The following SDK1 variants were observed in gnomAD, a reference collection of about 807,000 sequenced individuals.
SDK1 encodes the protein sidekick cell adhesion molecule 1, also known as protein sidekick-1.
A neutral mutation model predicts 245.5 loss-of-function variants in SDK1; 157 were observed. That is an observed-to-expected ratio of 0.64 (90% CI 0.56 to 0.73). The LOEUF (loss-of-function observed/expected upper bound fraction) is 0.73. Among genes scored for constraint, SDK1 ranks in the 30% least tolerant of loss-of-function variants. The probability of loss-of-function intolerance (pLI) is 0.00; values close to 1 mark genes in which losing one functional copy is unlikely to be tolerated. For synonymous variants in SDK1, 1,647 were observed against 1,278.5 expected (o/e 1.29, Z -6.15); for missense variants, 3,583 against 3,002.3 (o/e 1.19, Z -4.52).
intron 5 of SDK1, among the ~76,000 whole-genome samples, chr7:3,889,571 G>A (rs894418591): frequency 5.3e-5 from 8 of 152,000 alleles, no homozygotes; most frequent in Non-Finnish European, 8.8e-5. Flanking sequence ...GCAGAGGAGC[G>A]ATCTCAGCTC....
At chr7:3,968,315 C>T (rs1782233192) in intron 10 of SDK1, among the ~76,000 whole-genome samples, 1 of 152,232 alleles carries the variant, frequency 6.6e-6, no homozygotes. Flanking sequence ...AGGAACAGCA[C>T]ACAGAGTCCA....
At chr7:3,422,315 T>G (rs747794747) in intron 1 of SDK1, among the ~76,000 whole-genome samples, 2 of 152,180 alleles carry the variant, frequency 1.3e-5, no homozygotes, top group Non-Finnish European at 2.9e-5. Flanking sequence ...TAGAAAATAC[T>G]TAAGGCATTG....
chr7:3,377,455 G>A (rs1372716479), intron 1 of SDK1, among the ~76,000 whole-genome samples: 2 of 152,118 alleles, frequency 1.3e-5, no homozygotes, highest in African/African-American at 4.8e-5. Flanking sequence ...AAGCTTCCCC[G>A]TGGGGTGCTG....
At chr7:3,744,849 G>C (rs1779575158) in intron 4 of SDK1, among the ~76,000 whole-genome samples, 1 of 151,646 alleles carries the variant, frequency 6.6e-6, no homozygotes, top group African/African-American at 2.4e-5. Flanking sequence ...AAAAGAAAAA[G>C]AAAAACAATT....
At position 4,143,992 on chromosome 7, in the gene SDK1, C is replaced by T. The variant is rs78875294; in HGVS notation, c.4229-1730C>T. On this transcript the variant is annotated intron_variant, in intron 28 of 44. Coordinates refer to ENST00000404826, the MANE Select transcript of SDK1 (RefSeq NM_152744.4). ...GTCAGAGTGCGGGGCGGCCAGGAGC[C>T]CCGAAGCCTCAGACTGAGCTTCCAT... 9.2e-3 allele frequency among the ~76,000 whole-genome samples: 1,394 copies of T among 152,244 alleles called. 33 individuals carry two copies. The highest frequency in any genetic ancestry group is 0.032 in the African/African-American group (1,320 of 41,540).
chr7:3,426,152 G>A (rs775165476), intron 1 of SDK1, among the ~76,000 whole-genome samples: 6 of 152,308 alleles, frequency 3.9e-5, no homozygotes, highest in South Asian at 2.1e-4. Context: ...AGTTGATTCC[G>A]TGTTTTTTGA....
intron 36 of SDK1, among the ~76,000 whole-genome samples, chr7:4,207,684 T>G (rs928143457): frequency 1.3e-5 from 2 of 151,902 alleles, no homozygotes; most frequent in Non-Finnish European, 2.9e-5. Flanking sequence ...CGGGGCGGCT[T>G]CCCTTCTCTC....
At chr7:4,242,224 T>C (rs1786571442) in intron 43 of SDK1, among the ~76,000 whole-genome samples, 2 of 152,160 alleles carry the variant, frequency 1.3e-5, no homozygotes, top group African/African-American at 4.8e-5. Flanking sequence ...GCATGCACCT[T>C]GGATCTGGGC....
At chr7:3,572,792 G>A (rs1443164321) in intron 1 of SDK1, among the ~76,000 whole-genome samples, 1 of 152,044 alleles carries the variant, frequency 6.6e-6, no homozygotes, top group Non-Finnish European at 1.5e-5. Flanking sequence ...CAAGTGCGTG[G>A]GCTAAACAGT....
chr7:3,795,188 C>T (rs975485885), intron 4 of SDK1, among the ~76,000 whole-genome samples: 2 of 152,058 alleles, frequency 1.3e-5, no homozygotes, highest in Admixed American at 6.6e-5. Flanking sequence ...GCATACTAGA[C>T]GAAATGTGTT....
Position 3,828,961 on chromosome 7 carries a change from T to C in SDK1, c.847+7378T>C, listed in dbSNP as rs141686319. Reference sequence around the variant, plus strand: ...TGTGAGCTACTGAACCCCACCAAGATTGAAGTTTATACGCATAGTTTTTTC... The same window carrying C: ...TGTGAGCTACTGAACCCCACCAAGACTGAAGTTTATACGCATAGTTTTTTC... On this transcript the variant is annotated intron_variant, in intron 5 of 44. Coordinates refer to ENST00000404826, the MANE Select transcript of SDK1 (RefSeq NM_152744.4). 1.1e-4 allele frequency among the ~76,000 whole-genome samples: 17 copies of C among 152,280 alleles called. No homozygotes were observed. In the East Asian group the frequency reaches 2.9e-3, roughly 26 times the overall value.
At chr7:3,853,102 G>A (rs143342244) in intron 5 of SDK1, among the ~76,000 whole-genome samples, 40 of 151,994 alleles carry the variant, frequency 2.6e-4, no homozygotes, top group Admixed American at 2.0e-3. Flanking sequence ...ACGTACGCAG[G>A]CTTCACATCC....
chr7:3,687,175 TTC>T (rs1332935105), intron 4 of SDK1, among the ~76,000 whole-genome samples: 2 of 56,934 alleles, frequency 3.5e-5, no homozygotes, highest in East Asian at 4.6e-4. Context: ...TACACAAATG[TTC>T]TTTTTTTTTT....
In SDK1 at chr7:3,987,279, A is replaced by T. The variant is rs372668505; in HGVS notation, c.2088A>T (p.Gly696=). The change falls in exon 14 of 45, where the codon GGA becomes GGT. Residue 696 remains glycine, a synonymous_variant. Coordinates refer to ENST00000404826, the MANE Select transcript of SDK1 (RefSeq NM_152744.4). Reference sequence around the variant, plus strand: ...TCTCTTGGGTCCGGCCCTTTGATGGAAACAGTCCTATTCTTTATTACATCG... The same window carrying T: ...TCTCTTGGGTCCGGCCCTTTGATGGTAACAGTCCTATTCTTTATTACATCG... ...VVLSWVRPFD[G]NSPILYYIVE... 1.6e-5 allele frequency: 26 copies of T among 1,613,966 alleles called. No homozygotes were observed. In the African/African-American group the frequency reaches 2.3e-4, roughly 14 times the overall value.
intron 4 of SDK1, among the ~76,000 whole-genome samples, chr7:3,758,069 C>G (rs1024436080): frequency 1.3e-5 from 2 of 152,146 alleles, no homozygotes; most frequent in African/African-American, 2.4e-5. Flanking sequence ...AGCAAGTTGT[C>G]AAGTCCAGCC....
intron 35 of SDK1, among the ~76,000 whole-genome samples, chr7:4,180,776 G>C (rs1317686121): frequency 6.6e-6 from 1 of 152,204 alleles, no homozygotes; most frequent in Non-Finnish European, 1.5e-5. Context: ...ACAGGAGCAA[G>C]AGAGCGCAAG....
At chr7:3,808,216 G>A (rs1047540288) in intron 4 of SDK1, among the ~76,000 whole-genome samples, 40 of 152,296 alleles carry the variant, frequency 2.6e-4, no homozygotes, top group African/African-American at 7.9e-4. Flanking sequence ...TCATCATGAC[G>A]GCGAGGAGGG....
chr7:3,379,046 CT>C (rs765153899), intron 1 of SDK1, among the ~76,000 whole-genome samples: 1 of 152,190 alleles, frequency 6.6e-6, no homozygotes, highest in Admixed American at 6.5e-5. Flanking sequence ...CTGGCCTGTG[CT>C]GCACTGATAA....
At chr7:3,335,420 C>CTTTTTTTT (rs5881977) in intron 1 of SDK1, among the ~76,000 whole-genome samples, 2 of 145,518 alleles carry the variant, frequency 1.4e-5, no homozygotes, top group Non-Finnish European at 3.0e-5. Context: ...TGGTACTTAT[C>CTTTTTTTT]TTTTTTTTTT....
Sources: allele counts gnomAD v4.1 joint callset (sites outside exome capture counted in the v4.1 genomes callset), GRCh38; gene constraint gnomAD v4.1.1; transcripts MANE v1.5; gene names NCBI Gene and HGNC (gene_info 2026-07-23, HGNC 2026-07-21).